SLC9A1: variants seen among roughly 807,000 people sequenced by gnomAD.
SLC9A1 encodes sodium/hydrogen exchanger 1.
In SLC9A1, 22 loss-of-function variants were observed where a neutral mutation model predicts 67.9. The observed-to-expected ratio is 0.32, with a 90% CI of 0.23 to 0.46. The LOEUF is 0.46. Among genes scored for constraint, SLC9A1 ranks in the 20% least tolerant of loss-of-function variants. SLC9A1 has a pLI of 1.00. For synonymous variants in SLC9A1, 421 were observed against 471.8 expected, an observed-to-expected ratio of 0.89 and a Z score of 1.40; for missense variants, 686 against 1,094.8, an observed-to-expected ratio of 0.63 and a Z score of 5.27.
At chr1:27,132,128 C>T (rs2083390461) in intron 1 of SLC9A1, among the ~76,000 whole-genome samples, 1 of 151,704 alleles carries the variant, frequency 6.6e-6, no homozygotes, top group Non-Finnish European at 1.5e-5. Context: ...GAAACTGACT[C>T]TAGAGCAGAC....
In SLC9A1 at chr1:27,154,022, T is replaced by A; in HGVS notation, c.313A>T (p.Ile105Phe). 1 of 1,589,302 alleles carries A rather than the reference T, an allele frequency of 6.3e-7. No individual in the cohort carries two copies. Among genetic ancestry groups the A allele is most frequent in the Non-Finnish European group, 8.6e-7 (1 of 1,163,928 alleles). The change falls in exon 1 of 12, where the codon ATC (isoleucine) becomes TTC (phenylalanine). Residue 105 changes from isoleucine (I) to phenylalanine (F), a missense_variant. Physicochemically the swap from Ile to Phe is conservative, Grantham distance 21 (BLOSUM62 0). Coordinates refer to ENST00000263980, the MANE Select transcript of SLC9A1 (RefSeq NM_003047.5). ...CAGGCCAGAAGGATCCAGAGGGAGA[T>A]CTCGAAGGGGGTGCGCACGTGTGTG... is the stretch of plus-strand genomic sequence containing the variant. ...DYTHVRTPFE[I>F]SLWILLACLM...
chr1:27,147,545 A>C (rs537086339), intron 1 of SLC9A1, among the ~76,000 whole-genome samples: 5 of 151,680 alleles, frequency 3.3e-5, no homozygotes, highest in Non-Finnish European at 5.9e-5. Context: ...GCTCATCCCT[A>C]TAATCCCAGC....
rs559713035 is a variant in SLC9A1, at chr1:27,154,466, A to G, written c.-132T>C. 324 of 556,074 alleles carry G rather than the reference A, an allele frequency of 5.8e-4. No homozygotes were observed. Among genetic ancestry groups the G allele is most frequent in the Middle Eastern group, 1.9e-3 (6 of 3,216 alleles). The allele number at this position is 556,074 out of a possible 1,614,324, so 34.4% of individuals were successfully genotyped here. On this transcript the variant is annotated 5_prime_UTR_variant, in exon 1 of 12. The change abolishes an upstream ATG in the 5' untranslated region. Coordinates refer to ENST00000263980, the MANE Select transcript of SLC9A1 (RefSeq NM_003047.5). The stretch of plus-strand genomic sequence containing the variant: ...GGAAAAGTTCATGTTTTAGAGAGGC[A>G]TTTCCATGGAAGCAATTTTCTGGGG...
intron 1 of SLC9A1, among the ~76,000 whole-genome samples, chr1:27,146,901 C>T (rs1308240911): frequency 3.3e-5 from 5 of 152,134 alleles, no homozygotes; most frequent in African/African-American, 9.7e-5. Context: ...TTTGGGGGGC[C>T]GGGACGGGCA....
rs1431778940 is a variant in SLC9A1, at chr1:27,137,779, A to G, written c.352+16204T>C. ...TGTTTGCCTGCAGGCGCTGAGGCTC[A>G]GCAAGGGAGGGGTGGCCAGCAGGAG... On this transcript the variant is annotated intron_variant, in intron 1 of 11. Transcript: ENST00000263980. The surrounding 1 kb of genome is among the most constrained non-coding windows in gnomAD (Gnocchi z 4.6). Among the ~76,000 whole-genome samples, 1 of 152,210 alleles carries G rather than the reference A, an allele frequency of 6.6e-6. No homozygotes were observed. Among genetic ancestry groups the G allele is most frequent in the Non-Finnish European group, 1.5e-5 (1 of 68,028 alleles).
chr1:27,112,172 G>C (rs559614376), intron 2 of SLC9A1, among the ~76,000 whole-genome samples: 2 of 152,316 alleles, frequency 1.3e-5, no homozygotes, highest in East Asian at 1.9e-4. Context: ...TGGTAACCCT[G>C]GGCAAGAGCT....
At position 27,153,919 on chromosome 1, in the gene SLC9A1, C is replaced by A. The variant is rs571359386; in HGVS notation, c.352+64G>T. On this transcript the variant is annotated intron_variant, in intron 1 of 11. Coordinates refer to ENST00000263980, the MANE Select transcript of SLC9A1 (RefSeq NM_003047.5). ...TACTCCTGGACAGCCTCAAATGGTG[C>A]GAGATGAGGCAAGAAGCTCACCAGT... is the stretch of plus-strand genomic sequence containing the variant. 9 of 1,101,832 alleles carry A rather than the reference C, an allele frequency of 8.2e-6. No homozygotes were observed. In the South Asian group the frequency reaches 9.2e-5, roughly 11 times the overall value. The allele number at this position is 1,101,832 out of a possible 1,614,324, so 68.3% of individuals were successfully genotyped here. A position where few individuals can be genotyped will look rare whatever the true frequency, so the allele number is the denominator to read the frequency against.
chr1:27,120,122 T>TG (rs550049914), intron 1 of SLC9A1, among the ~76,000 whole-genome samples: 1 of 151,426 alleles, frequency 6.6e-6, no homozygotes, highest in African/African-American at 2.4e-5. Flanking sequence ...TGGGAGGTTT[T>TG]TTTTGTTTTG....
chr1:27,139,347 T>G (rs557826471), intron 1 of SLC9A1, among the ~76,000 whole-genome samples: 2 of 152,312 alleles, frequency 1.3e-5, no homozygotes, highest in East Asian at 3.9e-4. Context: ...TCCTGTTCTT[T>G]GAGGCAACAG....
At chr1:27,125,507 A>C (rs867390337) in intron 1 of SLC9A1, among the ~76,000 whole-genome samples, 4 of 151,804 alleles carry the variant, frequency 2.6e-5, no homozygotes, top group Admixed American at 6.6e-5. Context: ...TGGCCTCCCA[A>C]AGTGTTGAGA....
chr1:27,130,382 G>A (rs1401842003), intron 1 of SLC9A1, among the ~76,000 whole-genome samples: 4 of 152,186 alleles, frequency 2.6e-5, no homozygotes, highest in South Asian at 2.1e-4. Flanking sequence ...GATTACAGGC[G>A]TGAGCCACCG....
rs951957458 is a variant in SLC9A1 at position 27,114,505 on chromosome 1, A to T, written c.353-219T>A. Among the ~76,000 whole-genome samples the T allele has an allele frequency of 1.3e-5, 2 of 152,204 alleles. No homozygotes were observed. The highest frequency in any genetic ancestry group is 2.9e-5 in the Non-Finnish European group (2 of 68,038). ...GGTTTGCCATCATAAACCAAGTGAC[A>T]GTGTTTTTAAAGCACTTTTTTCAAA... On this transcript the variant is annotated intron_variant, in intron 1 of 11. Coordinates refer to ENST00000263980, the MANE Select transcript of SLC9A1 (RefSeq NM_003047.5). The surrounding 1 kb of genome is among the most constrained non-coding windows in gnomAD (Gnocchi z 5.4).
intron 6 of SLC9A1, 84 bp downstream of exon 6, chr1:27,103,139 G>A: frequency 3.0e-6 from 3 of 1,016,580 alleles, no homozygotes; most frequent in Non-Finnish European, 4.7e-6. Context: ...AGGGGCTGAT[G>A]GGGGGCAGAG....
At chr1:27,153,098 TTGTC>T (rs1334110798) in intron 1 of SLC9A1, among the ~76,000 whole-genome samples, 1 of 152,146 alleles carries the variant, frequency 6.6e-6, no homozygotes, top group Non-Finnish European at 1.5e-5. Context: ...AGCAAATAAG[TTGTC>T]TGTTTCCTTC....
chr1:27,107,897 G>C (rs892610484), intron 3 of SLC9A1, 32 bp from the exon 4 acceptor site: 17 of 1,490,662 alleles, frequency 1.1e-5, no homozygotes, highest in Non-Finnish European at 1.6e-5. Context: ...TCAGGGCTCC[G>C]TGTCGAGCTG....
chr1:27,143,975 C>T (rs948321890), intron 1 of SLC9A1, among the ~76,000 whole-genome samples: 1 of 152,080 alleles, frequency 6.6e-6, no homozygotes, highest in African/African-American at 2.4e-5. Context: ...GGACTTTTCC[C>T]TTTCACCTCA....
At chr1:27,144,522 T>C (rs1401816668) in intron 1 of SLC9A1, among the ~76,000 whole-genome samples, 1 of 152,224 alleles carries the variant, frequency 6.6e-6, no homozygotes, top group African/African-American at 2.4e-5. Context: ...TTAAACTCCT[T>C]GGCTTGGCAG....
At chr1:27,151,700 G>T (rs1264710964) in intron 1 of SLC9A1, among the ~76,000 whole-genome samples, 1 of 152,212 alleles carries the variant, frequency 6.6e-6, no homozygotes, top group Non-Finnish European at 1.5e-5. Context: ...CTGAGGCTCA[G>T]AGATGCTGCT....
In SLC9A1 at chr1:27,124,729, T is replaced by A. The variant is rs2083329711; in HGVS notation, c.353-10443A>T. 3.3e-5 allele frequency among the ~76,000 whole-genome samples: 5 copies of A among 152,116 alleles called. No individual in the cohort carries two copies. In the South Asian group the frequency reaches 1.0e-3, roughly 32 times the overall value. Reference sequence around the variant, plus strand: ...GGGTCTATTGTGTGCCCTCACAGCATCTGAGGGCAGTGATGAAGAAGGGGT... The same window carrying A: ...GGGTCTATTGTGTGCCCTCACAGCAACTGAGGGCAGTGATGAAGAAGGGGT... On this transcript the variant is annotated intron_variant, in intron 1 of 11. Coordinates refer to ENST00000263980, the MANE Select transcript of SLC9A1 (RefSeq NM_003047.5).
Sources: gnomAD v4.1 joint callset for allele counts (sites outside exome capture counted in the v4.1 genomes callset) on GRCh38, gnomAD v4.1.1 for gene constraint, Gnocchi (gnomAD v3.1) non-coding constraint, MANE v1.5 for transcripts, NCBI Gene and HGNC (gene_info 2026-07-23, HGNC 2026-07-21) for gene names.